SLC4A4: variants seen among roughly 807,000 people sequenced by gnomAD.
SLC4A4 encodes the protein electrogenic sodium bicarbonate cotransporter 1.
SLC4A4 carries 27 observed loss-of-function variants against 111.5 expected under a neutral mutation model. That is an observed-to-expected ratio of 0.24 (90% confidence interval 0.18 to 0.33). SLC4A4 has a LOEUF of 0.33. Ranked by LOEUF, SLC4A4 falls within the 10% of genes least tolerant of loss-of-function variation. The pLI is 1.00. For missense variants in SLC4A4, 909 were observed against 1,315.5 expected (o/e 0.69, Z 4.78); for synonymous variants, 443 against 463.4 (o/e 0.96, Z 0.57).
intron 2 of SLC4A4, among the ~76,000 whole-genome samples, chr4:71,243,013 AC>A (rs1378932572): frequency 3.3e-5 from 5 of 152,144 alleles, no homozygotes; most frequent in African/African-American, 1.2e-4. Context: ...TCACAGTTAG[AC>A]TGCTCTGATA....
chr4:71,511,082 AT>A (rs1731871932), intron 16 of SLC4A4, among the ~76,000 whole-genome samples: 1 of 152,152 alleles, frequency 6.6e-6, no homozygotes, highest in Admixed American at 6.5e-5. Flanking sequence ...TGAACAAATT[AT>A]TATAGCAATT....
intron 2 of SLC4A4, among the ~76,000 whole-genome samples, chr4:71,163,829 A>G (rs1744667979): frequency 6.6e-6 from 1 of 152,238 alleles, no homozygotes; most frequent in African/African-American, 2.4e-5. Context: ...CAAAACATTT[A>G]CTATCTGACT....
At chr4:71,378,750 G>A (rs574152993) in intron 6 of SLC4A4, among the ~76,000 whole-genome samples, 2 of 152,280 alleles carry the variant, frequency 1.3e-5, no homozygotes, top group South Asian at 4.2e-4. Flanking sequence ...GATGAAAATT[G>A]CTGGCAAAAT....
intron 3 of SLC4A4, among the ~76,000 whole-genome samples, chr4:71,328,833 A>G (rs962006735): frequency 7.2e-5 from 11 of 151,912 alleles, no homozygotes; most frequent in South Asian, 2.1e-4. Flanking sequence ...ATGTGATCCT[A>G]TTTCTCCATT....
intron 21 of SLC4A4, among the ~76,000 whole-genome samples, chr4:71,556,402 A>T (rs1251289581): frequency 1.3e-5 from 2 of 152,006 alleles, no homozygotes; most frequent in Non-Finnish European, 2.9e-5. Flanking sequence ...GAAATGGCCC[A>T]CAGACAAATA....
At chr4:71,091,598 G>A (rs1021888831) in intron 1 of SLC4A4, among the ~76,000 whole-genome samples, 1 of 152,044 alleles carries the variant, frequency 6.6e-6, no homozygotes, top group Admixed American at 6.6e-5. Flanking sequence ...GAACTGAGGA[G>A]GTGGTATTGG....
chr4:71,397,625 A>G lies in SLC4A4; in HGVS notation c.779A>G (p.Asp260Gly), dbSNP rs1031550297. ...AATCTGACTTCCTCCAGTCTGAATG[A>G]CATTTCTGATAAACCGGAGAAGGAC... ...HRNLTSSSLN[D>G]ISDKPEKDQL... Residue 260 changes from aspartate to glycine, a missense_variant, in exon 7 of 26, where the codon GAC (aspartate) becomes GGC (glycine). This residue lies in a region of SLC4A4 where 312 missense variants were observed against 402.0 expected (regional missense o/e 0.78). Transcript: ENST00000264485. The G allele has an allele frequency of 6.2e-7, 1 of 1,614,036 alleles. No individual in the cohort carries two copies. Among genetic ancestry groups the G allele is most frequent in the Non-Finnish European group, 8.5e-7 (1 of 1,179,930 alleles).
rs1452889 is a variant in SLC4A4 at position 71,237,638 on chromosome 4, A to T, written c.73+989A>T. ...AGTCAGTATTGTATGTTCTGGAGTG[A>T]TTCTTCAAGCAGACTGAGCACCAGG... On this transcript the variant is annotated intron_variant, in intron 2 of 25. Coordinates refer to ENST00000264485, the MANE Select transcript of SLC4A4 (RefSeq NM_001098484.3). Among the ~76,000 whole-genome samples, 951 of 152,242 alleles carry T rather than the reference A, an allele frequency of 6.2e-3. 10 individuals are homozygous for T. Among genetic ancestry groups the T allele is most frequent in the African/African-American group, 0.022 (897 of 41,534 alleles).
chr4:71,098,634 A>G (rs969847687), intron 2 of SLC4A4, among the ~76,000 whole-genome samples: 1 of 152,204 alleles, frequency 6.6e-6, no homozygotes, highest in Non-Finnish European at 1.5e-5. Flanking sequence ...TTGAATATGA[A>G]CGCATTAAAT....
intron 1 of SLC4A4, among the ~76,000 whole-genome samples, chr4:71,075,543 C>G (rs1166834595): frequency 6.6e-6 from 1 of 152,172 alleles, no homozygotes; most frequent in African/African-American, 2.4e-5. Context: ...ACATGCCAAA[C>G]CCACTGTTGT....
intron 19 of SLC4A4, 128 bp from the exon 20 acceptor site, chr4:71,547,520 A>G: frequency 2.6e-6 from 2 of 778,110 alleles, no homozygotes; most frequent in Non-Finnish European, 4.6e-6. Context: ...TATTTACATG[A>G]TATCAACACC....
intron 16 of SLC4A4, among the ~76,000 whole-genome samples, chr4:71,516,542 C>T (rs1482233735): frequency 6.6e-6 from 1 of 152,144 alleles, no homozygotes; most frequent in African/African-American, 2.4e-5. Flanking sequence ...AGTGCAAATT[C>T]CCAGTCTGGT....
rs1167100897 is a variant in SLC4A4, at chr4:71,247,602, T to G, written c.74-7618T>G. On this transcript the variant is annotated intron_variant, in intron 2 of 25. Coordinates refer to ENST00000264485, the MANE Select transcript of SLC4A4 (RefSeq NM_001098484.3). ...TCTCTGGCTGCAATTGCAAATCCAG[T>G]TATCAATGACCACTGAATTAGCTAT... Among the ~76,000 whole-genome samples the G allele has an allele frequency of 2.0e-5, 3 of 152,150 alleles. 1 individual carries two copies. The highest frequency in any genetic ancestry group is 4.4e-5 in the Non-Finnish European group (3 of 68,028).
At chr4:71,463,302 G>C (rs184616937) in intron 12 of SLC4A4, among the ~76,000 whole-genome samples, 1 of 152,222 alleles carries the variant, frequency 6.6e-6, no homozygotes, top group East Asian at 1.9e-4. Flanking sequence ...TTTCCTTTTT[G>C]TATGAGTGAA....
At chr4:71,249,190 T>C (rs1203603062) in intron 2 of SLC4A4, among the ~76,000 whole-genome samples, 3 of 152,136 alleles carry the variant, frequency 2.0e-5, no homozygotes, top group East Asian at 3.8e-4. Context: ...TTCCCTGTTT[T>C]TCATCACATT....
intron 2 of SLC4A4, among the ~76,000 whole-genome samples, chr4:71,130,054 G>A (rs534278514): frequency 1.3e-5 from 2 of 152,226 alleles, no homozygotes; most frequent in East Asian, 1.9e-4. Context: ...CCTGGGTGAT[G>A]AAGTAATCTG....
chr4:71,370,226 A>G (rs1332221337), intron 6 of SLC4A4, among the ~76,000 whole-genome samples: 2 of 152,240 alleles, frequency 1.3e-5, no homozygotes, highest in East Asian at 1.9e-4. Context: ...CACACAGGTC[A>G]TAAGTGTGTA....
chr4:71,420,365 G>A (rs544896046), intron 7 of SLC4A4, among the ~76,000 whole-genome samples: 15 of 152,194 alleles, frequency 9.9e-5, no homozygotes, highest in Non-Finnish European at 1.9e-4. Context: ...TCTGATTGGT[G>A]TACCTGAAAG....
At position 71,097,426 on chromosome 4, in the gene SLC4A4, G is replaced by A. The variant is rs577428430; in HGVS notation, c.-2+4634G>A. Among the ~76,000 whole-genome samples, 81 of 152,278 alleles carry A rather than the reference G, an allele frequency of 5.3e-4. 1 individual carries two copies. Among genetic ancestry groups the A allele is most frequent in the Admixed American group, 2.3e-3 (35 of 15,280 alleles). Reference sequence around the variant, plus strand: ...ACATTTTCTTTACCCATCTGTCACTGATGTGCATTTAGGTTGATTCTATGT... The same window carrying A: ...ACATTTTCTTTACCCATCTGTCACTAATGTGCATTTAGGTTGATTCTATGT... On this transcript the variant is annotated intron_variant, in intron 2 of 26. Transcript: ENST00000649996.
Sources: gnomAD v4.1 joint callset for allele counts (sites outside exome capture counted in the v4.1 genomes callset) on GRCh38, gnomAD v4.1.1 for gene constraint, gnomAD v4.1.1 regional missense constraint, MANE v1.5 for transcripts, NCBI Gene and HGNC (gene_info 2026-07-23, HGNC 2026-07-21) for gene names.